The following DMD variants were observed in gnomAD, a reference collection of about 807,000 sequenced individuals.
The protein encoded by DMD is dystrophin.
Under a neutral mutation model 330.1 loss-of-function variants are expected in DMD, and 63 were observed. The observed-to-expected ratio is 0.19, with a 90% CI of 0.16 to 0.24. The LOEUF is 0.24. DMD is among the 10% of genes least tolerant of loss of function. The pLI, the probability that DMD is intolerant of heterozygous loss-of-function variation, is 1.00. For missense variants in DMD, 3,344 were observed against 2,684.1 expected, an observed-to-expected ratio of 1.25 and a Z score of -5.43; for synonymous variants, 1,223 against 959.8, an observed-to-expected ratio of 1.27 and a Z score of -5.07.
At chrX:31,581,662 T>A (rs1448976805) in intron 55 of DMD, among the ~76,000 whole-genome samples, 1 of 112,326 alleles carries the variant, frequency 8.9e-6, no homozygotes, top group Non-Finnish European at 1.9e-5. Context: ...CATATTGTTT[T>A]ATCAAGGGCA....
intron 44 of DMD, among the ~76,000 whole-genome samples, chrX:32,033,191 A>G (rs1395287622): frequency 2.7e-5 from 3 of 111,408 alleles, no homozygotes. Context: ...AACTCATAAA[A>G]TCAAAGACTG....
intron 1 of DMD, among the ~76,000 whole-genome samples, chrX:33,327,622 A>G (rs2054107275): frequency 8.9e-6 from 1 of 111,739 alleles, no homozygotes; most frequent in Admixed American, 9.6e-5. Flanking sequence ...GATACAGAAA[A>G]TGAATTATTT....
At chrX:32,229,681 CATATATATAT>C (rs55916475) in intron 43 of DMD, among the ~76,000 whole-genome samples, 781 of 24,327 alleles carry the variant, frequency 0.032, 26 homozygotes, top group African/African-American at 0.094. Flanking sequence ...AGAGTTTCAT[CATATATATAT>C]ATATATATAT....
At position 32,705,249 on chromosome X, in the gene DMD, G is replaced by C. The variant is rs1431923467; in HGVS notation, c.650-5956C>G. On this transcript the variant is annotated intron_variant, in intron 7 of 78. Transcript: ENST00000357033. Reference sequence around the variant, plus strand: ...GTACTCCTTAATTAATCCATTTTTAGCACTTCATTCACTGATACAAGCAGT... The same window carrying C: ...GTACTCCTTAATTAATCCATTTTTACCACTTCATTCACTGATACAAGCAGT... Among the ~76,000 whole-genome samples, 4 of 111,528 alleles carry C rather than the reference G, an allele frequency of 3.6e-5. No individual in the cohort carries two copies. In the East Asian group the frequency reaches 1.1e-3, roughly 32 times the overall value.
intron 30 of DMD, among the ~76,000 whole-genome samples, chrX:32,394,414 C>T (rs1003729921): frequency 1.7e-4 from 19 of 112,002 alleles, no homozygotes; most frequent in Admixed American, 1.3e-3. Context: ...TTTCTCATGT[C>T]TAGCCCAAGA....
At chrX:32,761,420 C>T (rs2072275016) in intron 7 of DMD, among the ~76,000 whole-genome samples, 2 of 112,087 alleles carry the variant, frequency 1.8e-5, no homozygotes, top group South Asian at 7.3e-4. Context: ...TTACTATTTT[C>T]ACAGCTTTTG....
At chrX:31,363,693 A>C (rs1966326703) in intron 60 of DMD, among the ~76,000 whole-genome samples, 1 of 112,200 alleles carries the variant, frequency 8.9e-6, no homozygotes, top group Non-Finnish European at 1.9e-5. Flanking sequence ...ATGTATCTTT[A>C]TAGAGCAAGG....
intron 47 of DMD, among the ~76,000 whole-genome samples, chrX:31,920,038 G>A (rs2094667616): frequency 8.9e-6 from 1 of 112,317 alleles, no homozygotes; most frequent in Non-Finnish European, 1.9e-5. Flanking sequence ...TTACAGATCT[G>A]TTATAAGCCT....
chrX:33,193,998 C>A (rs5971695), intron 1 of DMD, among the ~76,000 whole-genome samples: 1 of 108,714 alleles, frequency 9.2e-6, no homozygotes, highest in African/African-American at 3.4e-5. Context: ...AATCTAGTAG[C>A]GGAGATAATA....
chrX:31,451,460 T>C (rs1483566265), intron 59 of DMD, among the ~76,000 whole-genome samples: 1 of 109,128 alleles, frequency 9.2e-6, no homozygotes, highest in Non-Finnish European at 1.9e-5. Flanking sequence ...TTTTGTATTT[T>C]TAGAAGAGAT....
At chrX:32,546,750 A>G (rs2049004328) in intron 16 of DMD, among the ~76,000 whole-genome samples, 1 of 109,791 alleles carries the variant, frequency 9.1e-6, no homozygotes, top group Admixed American at 9.9e-5. Flanking sequence ...ATCTCCATAG[A>G]TTCATTATTT....
intron 60 of DMD, among the ~76,000 whole-genome samples, chrX:31,392,765 T>C (rs2060738919): frequency 8.9e-6 from 1 of 112,302 alleles, no homozygotes; most frequent in Non-Finnish European, 1.9e-5. Context: ...AGTAATGTTT[T>C]CATTATTTCA....
At chrX:32,436,234 T>C (rs2098260710) in intron 29 of DMD, among the ~76,000 whole-genome samples, 1 of 111,780 alleles carries the variant, frequency 8.9e-6, no homozygotes. Context: ...GCTTAAGGTA[T>C]TCTTTAGAGA....
intron 44 of DMD, chrX:32,035,403 A>ACTC (rs2095934908): frequency 7.5e-6 from 1 of 133,320 alleles, no homozygotes; most frequent in Non-Finnish European, 1.5e-5. Context: ...GTTTGTTTAA[A>ACTC]CTCTTTAGTT....
At chrX:31,284,097 C>A (rs927908860) in intron 62 of DMD, among the ~76,000 whole-genome samples, 2 of 111,959 alleles carry the variant, frequency 1.8e-5, no homozygotes, top group African/African-American at 6.5e-5. Context: ...TAACACAAAG[C>A]CTATTTTATA....
intron 7 of DMD, among the ~76,000 whole-genome samples, chrX:32,798,683 T>A (rs1272355983): frequency 8.9e-6 from 1 of 111,804 alleles, no homozygotes; most frequent in African/African-American, 3.2e-5. Flanking sequence ...TCTGAAATAT[T>A]TACAGTAAGG....
intron 1 of DMD, among the ~76,000 whole-genome samples, chrX:33,255,927 T>C (rs1287767433): frequency 8.9e-6 from 1 of 111,785 alleles, no homozygotes; most frequent in Non-Finnish European, 1.9e-5. Flanking sequence ...TCTGTAATCA[T>C]ATGCATGAAG....
At chrX:31,656,013 T>A (rs1055538778) in intron 54 of DMD, among the ~76,000 whole-genome samples, 30 of 112,062 alleles carry the variant, frequency 2.7e-4, no homozygotes, top group African/African-American at 9.1e-4. Context: ...AGCAGCAGGA[T>A]CTACATGTCT....
chrX:32,668,801 A>G (rs898331239), intron 9 of DMD, among the ~76,000 whole-genome samples: 1 of 110,326 alleles, frequency 9.1e-6, no homozygotes, highest in African/African-American at 3.3e-5. Flanking sequence ...AGACTACGGC[A>G]TTGAAGAGAA....
Sources: allele counts gnomAD v4.1 joint callset (sites outside exome capture counted in the v4.1 genomes callset), GRCh38; gene constraint gnomAD v4.1.1; transcripts MANE v1.5; gene names NCBI Gene and HGNC (gene_info 2026-07-23, HGNC 2026-07-21).